Variants in SHANK2 observed in about 807,000 individuals in gnomAD.
The protein encoded by SHANK2 is SH3 and multiple ankyrin repeat domains 2.
Under a neutral mutation model 133.7 loss-of-function variants are expected in SHANK2, and 43 were observed. The observed-to-expected ratio is 0.32, with a 90% CI of 0.25 to 0.41. SHANK2 has a LOEUF of 0.41. Ranked by LOEUF, SHANK2 falls within the 10% of genes least tolerant of loss-of-function variation. The probability of loss-of-function intolerance (pLI) is 1.00; values close to 1 mark genes in which losing one functional copy is unlikely to be tolerated. For synonymous variants in SHANK2, 1,017 were observed against 952.8 expected (o/e 1.07, Z -1.24); for missense variants, 1,994 against 2,235.8 (o/e 0.89, Z 2.18).
intron 17 of SHANK2, among the ~76,000 whole-genome samples, chr11:70,593,648 G>C (rs1030922339): frequency 6.6e-6 from 1 of 152,214 alleles, no homozygotes; most frequent in Non-Finnish European, 1.5e-5. Context: ...GTGAATGAAC[G>C]GAGTGAAGAG....
At chr11:70,930,857 G>T (rs1459414201) in intron 10 of SHANK2, among the ~76,000 whole-genome samples, 3 of 150,136 alleles carry the variant, frequency 2.0e-5, no homozygotes, top group Admixed American at 2.0e-4. Context: ...TTTAGAGATG[G>T]GGTCTCACTA....
chr11:71,068,976 CCAT>C (rs1275499800), intron 9 of SHANK2, among the ~76,000 whole-genome samples: 6 of 151,610 alleles, frequency 4.0e-5, no homozygotes, highest in Non-Finnish European at 5.9e-5. Flanking sequence ...ACCCTCACCA[CCAT>C]CATCAGCACC....
chr11:70,489,793 G>T, intron 23 of SHANK2: 1 of 276,652 alleles, frequency 3.6e-6, no homozygotes, highest in African/African-American at 2.2e-5. Context: ...AGAAAGGAAG[G>T]CAGTTTTCTG....
Position 70,485,260 on chromosome 11 carries a change from C to T in SHANK2, c.4979+54G>A, listed in dbSNP as rs1447955149. 4 of 1,509,336 alleles carry T rather than the reference C, an allele frequency of 2.7e-6. No individual in the cohort carries two copies. Among genetic ancestry groups the T allele is most frequent in the Non-Finnish European group, 3.7e-6 (4 of 1,089,810 alleles). The allele number at this position is 1,509,336 out of a possible 1,614,324, so 93.5% of individuals were successfully genotyped here. On this transcript the variant is annotated intron_variant, in intron 25 of 25. Transcript: ENST00000601538. The surrounding 1 kb of genome is among the most constrained non-coding windows in gnomAD (Gnocchi z 5.8). ...CTGCTACCCGAGGGCCTTTCCTGGTCAGCAGGGACAGTGCACGCAGAGCGG... is the reference window on the plus strand; with the variant it reads ...CTGCTACCCGAGGGCCTTTCCTGGTTAGCAGGGACAGTGCACGCAGAGCGG...
chr11:70,878,453 A>G (rs183766905), intron 11 of SHANK2, among the ~76,000 whole-genome samples: 1 of 152,254 alleles, frequency 6.6e-6, no homozygotes, highest in Non-Finnish European at 1.5e-5. Context: ...AATTTACCAT[A>G]TTAATTGGCT....
intron 2 of SHANK2, among the ~76,000 whole-genome samples, chr11:71,166,267 A>G (rs1259459385): frequency 2.0e-5 from 3 of 152,324 alleles, no homozygotes; most frequent in South Asian, 2.1e-4. Context: ...CTGTGCCACA[A>G]AGACGCCAGA....
At chr11:71,093,384 T>G (rs1951552394) in intron 7 of SHANK2, among the ~76,000 whole-genome samples, 1 of 152,120 alleles carries the variant, frequency 6.6e-6, no homozygotes, top group South Asian at 2.1e-4. Flanking sequence ...ACGGGTACGG[T>G]GTGGCTCTGC....
intron 14 of SHANK2, among the ~76,000 whole-genome samples, chr11:70,768,222 G>A (rs1555041855): frequency 6.6e-6 from 1 of 152,226 alleles, no homozygotes; most frequent in East Asian, 1.9e-4. Context: ...TGGGGCAGAG[G>A]CCATGTCTGA....
rs2058583283 is a variant in SHANK2, at chr11:70,470,397, A to G, written c.*2472T>C. 6.6e-6 allele frequency: 1 copy of G among 152,340 alleles called. No individual in the cohort carries two copies. Among genetic ancestry groups the G allele is most frequent in the Non-Finnish European group, 1.5e-5 (1 of 68,038 alleles). 9.4% of individuals were successfully genotyped at this position (152,340 alleles called of 1,614,324 possible). ...CCTCACCAACTGGCTGCCAAAGTTC[A>G]ACAAACCGAAGTCACGAGTTTCGAC... On this transcript the variant is annotated 3_prime_UTR_variant, in exon 26 of 26. Coordinates refer to ENST00000601538, the MANE Select transcript of SHANK2 (RefSeq NM_012309.5).
At chr11:70,871,645 C>G (rs1322101542) in intron 11 of SHANK2, among the ~76,000 whole-genome samples, 1 of 152,120 alleles carries the variant, frequency 6.6e-6, no homozygotes, top group Non-Finnish European at 1.5e-5. Flanking sequence ...TGACCATATC[C>G]CTGATGGAGA....
intron 16 of SHANK2, 133 bp downstream of exon 16, chr11:70,661,463 T>C (rs939553698): frequency 2.9e-5 from 28 of 967,922 alleles, no homozygotes; most frequent in Non-Finnish European, 4.1e-5. Flanking sequence ...ATTTAATGCT[T>C]ATTCCTGAGC....
chr11:70,525,101 C>T (rs782684647), intron 17 of SHANK2, among the ~76,000 whole-genome samples: 10 of 152,248 alleles, frequency 6.6e-5, no homozygotes, highest in Admixed American at 2.6e-4. Flanking sequence ...GCAGCTGCAG[C>T]GACACTTACA....
intron 9 of SHANK2, among the ~76,000 whole-genome samples, chr11:71,073,246 C>T (rs1951173167): frequency 6.8e-6 from 1 of 147,856 alleles, no homozygotes; most frequent in African/African-American, 2.5e-5. Flanking sequence ...GCAACCTCCG[C>T]CTCCCGGGTT....
In SHANK2 at chr11:70,473,449, C is replaced by T; in HGVS notation, c.4980-10G>A. ...CATGATCTCCGGGCTTCTGAAACAG[C>T]AACACAGAGAAAACCATCACAAGGC... On this transcript the variant is annotated splice_polypyrimidine_tract_variant and intron_variant, in intron 25 of 25. Coordinates refer to ENST00000601538, the MANE Select transcript of SHANK2 (RefSeq NM_012309.5). The surrounding 1 kb of genome is among the most constrained non-coding windows in gnomAD (Gnocchi z 5.9). The T allele has an allele frequency of 6.2e-7, 1 of 1,600,978 alleles. No homozygotes were observed.
At chr11:70,912,079 C>CA (rs536602235) in intron 10 of SHANK2, among the ~76,000 whole-genome samples, 1 of 81,228 alleles carries the variant, frequency 1.2e-5, no homozygotes, top group African/African-American at 4.6e-5. Flanking sequence ...GAGACTCTGT[C>CA]AAAAAAAAAA....
At chr11:70,502,960 G>T in intron 17 of SHANK2, 29 bp from the exon 18 acceptor site, 2 of 1,613,708 alleles carry the variant, frequency 1.2e-6, no homozygotes, top group Non-Finnish European at 1.7e-6. Context: ...GATGGCATCA[G>T]TGAGAGCCAG....
chr11:70,704,804 GAGGC>G (rs1945622277), intron 14 of SHANK2, among the ~76,000 whole-genome samples: 2 of 152,218 alleles, frequency 1.3e-5, no homozygotes, highest in Non-Finnish European at 2.9e-5. Flanking sequence ...GGTGGTCACT[GAGGC>G]TACTAATCAA....
chr11:70,599,911 GAAAGAAAGAAA>G (rs1565166372), intron 17 of SHANK2, among the ~76,000 whole-genome samples: 1 of 44,822 alleles, frequency 2.2e-5, no homozygotes, highest in Non-Finnish European at 4.7e-5. Flanking sequence ...GAAAGAGAAA[GAAAGAAAGAAA>G]GAAAGAAAGA....
intron 14 of SHANK2, among the ~76,000 whole-genome samples, chr11:70,770,915 C>CT (rs71467419): frequency 0.013 from 1,216 of 92,818 alleles, 119 homozygotes; most frequent in Non-Finnish European, 0.015. Flanking sequence ...CTCTTACTTC[C>CT]TTTTTTTTTT....
Sources: gnomAD v4.1 joint callset for allele counts (sites outside exome capture counted in the v4.1 genomes callset) on GRCh38, gnomAD v4.1.1 for gene constraint, Gnocchi (gnomAD v3.1) non-coding constraint, MANE v1.5 for transcripts, NCBI Gene and HGNC (gene_info 2026-07-23, HGNC 2026-07-21) for gene names.